MYOF: variants seen among roughly 807,000 people sequenced by gnomAD.
The protein encoded by MYOF is myoferlin, also known as fer-1-like 3, myoferlin.
A neutral mutation model predicts 284.2 loss-of-function variants in MYOF; 244 were observed. The observed-to-expected ratio is 0.86, with a 90% CI of 0.77 to 0.95. The LOEUF (loss-of-function observed/expected upper bound fraction) is 0.95. Among genes scored for constraint, MYOF ranks in the 40% least tolerant of loss-of-function variants. The pLI, the probability that MYOF is intolerant of heterozygous loss-of-function variation, is 0.00. For missense variants in MYOF, 2,496 were observed against 2,560.6 expected (o/e 0.97, Z 0.54); for synonymous variants, 904 against 919.7 (o/e 0.98, Z 0.31).
chr10:93,356,696 G>A lies in MYOF; in HGVS notation c.3273C>T (p.Ile1091=), dbSNP rs201113963. The change falls in exon 30 of 54, where the codon ATC becomes ATT. Residue 1091 remains isoleucine (I), a synonymous_variant. Coordinates refer to ENST00000359263, the MANE Select transcript of MYOF (RefSeq NM_013451.4). The part of the protein sequence containing the change: ...APSETHGAAA[I]FKLEGALGAD... ...TTACAAGGGCACCTTCAAGTTTAAA[G>A]ATGGCAGCTGCACCATGTGTTTCTG... 1 of 1,613,378 alleles carries A rather than the reference G, an allele frequency of 6.2e-7. No individual in the cohort carries two copies. The highest frequency in any genetic ancestry group is 2.2e-5 in the East Asian group (1 of 44,868).
Position 93,373,023 on chromosome 10 carries a change from A to T in MYOF, c.2364T>A (p.Tyr788Ter), listed in dbSNP as rs757054211. Residue 788 changes from tyrosine to a stop codon, truncating the protein, a stop_gained, in exon 24 of 54, where the codon TAT (tyrosine) becomes TAA (stop). Transcript: ENST00000359263. LOFTEE classifies it high-confidence loss of function. ...AGACCTGATGTGCGGGAATTCGTGC[A>T]TAGGCCAGTCTCTTCTCTCCCCGGA... Reference protein sequence around the residue: ...WMIRGEKRLAYARIPAHQVLY... With the variant: ...WMIRGEKRLA 2.5e-6 allele frequency: 4 copies of T among 1,614,216 alleles called. No homozygotes were observed. The highest frequency in any genetic ancestry group is 3.4e-6 in the Non-Finnish European group (4 of 1,180,034).
At chr10:93,340,578 G>A (rs943807199) in intron 38 of MYOF, among the ~76,000 whole-genome samples, 3 of 152,080 alleles carry the variant, frequency 2.0e-5, no homozygotes, top group South Asian at 2.1e-4. Context: ...ATATATCTCC[G>A]AACTTGGTCT....
chr10:93,463,884 A>G (rs2056943516), intron 1 of MYOF, among the ~76,000 whole-genome samples: 1 of 112,022 alleles, frequency 8.9e-6, no homozygotes, highest in African/African-American at 3.0e-5. Flanking sequence ...AAAAAAAAAA[A>G]AAGGCCTGAA....
At chr10:93,387,709 G>T in intron 19 of MYOF, 88 bp downstream of exon 19, 1 of 986,140 alleles carries the variant, frequency 1.0e-6, no homozygotes, top group Non-Finnish European at 1.6e-6. Context: ...ATTGTGAGTT[G>T]GGTTGCCTTC....
At position 93,397,251 on chromosome 10, in the gene MYOF, CAT is replaced by C. The variant is rs1364150168; in HGVS notation, c.1328_1329del (p.Tyr443Ter). The C allele has an allele frequency of 6.3e-7, 1 of 1,587,654 alleles. No homozygotes were observed. The highest frequency in any genetic ancestry group is 1.3e-5 in the African/African-American group (1 of 74,114). ...SVCEKIKLTI[Y>X]DWDRLTKNDV... ...ACATACGTATTTTCAACTCACCAGT[CAT>C]ATATTGTTAGTTTTATTTTTTCACA... On this transcript the variant is annotated frameshift_variant, in exon 15 of 54. Coordinates refer to ENST00000359263, the MANE Select transcript of MYOF (RefSeq NM_013451.4). LOFTEE classifies it high-confidence loss of function.
At chr10:93,372,284 C>G (rs1382742510) in intron 24 of MYOF, among the ~76,000 whole-genome samples, 2 of 152,140 alleles carry the variant, frequency 1.3e-5, no homozygotes, top group African/African-American at 4.8e-5. Context: ...CTTTGATTCC[C>G]CATATACACA....
chr10:93,309,173 G>C (rs1274413387), intron 53 of MYOF, among the ~76,000 whole-genome samples: 2 of 152,168 alleles, frequency 1.3e-5, no homozygotes, highest in African/African-American at 4.8e-5. Flanking sequence ...TGTCTTAGCA[G>C]GGGGTGCCCA....
At chr10:93,424,271 C>T (rs1045190509) in intron 5 of MYOF, among the ~76,000 whole-genome samples, 26 of 152,140 alleles carry the variant, frequency 1.7e-4, no homozygotes, top group African/African-American at 6.3e-4. Context: ...CCAGATAGCC[C>T]ATCAATGAGG....
intron 50 of MYOF, 32 bp downstream of exon 50, chr10:93,316,682 C>T (rs1428835573): frequency 3.2e-6 from 5 of 1,550,684 alleles, no homozygotes; most frequent in African/African-American, 2.7e-5. Context: ...AGTACAGTTT[C>T]TTAGAAACAA....
chr10:93,443,554 C>G (rs2056340392), intron 3 of MYOF, among the ~76,000 whole-genome samples: 1 of 151,058 alleles, frequency 6.6e-6, no homozygotes, highest in Non-Finnish European at 1.5e-5. Context: ...TTAGACTAAC[C>G]TTGGCATCTC....
intron 53 of MYOF, 89 bp downstream of exon 53, chr10:93,309,931 C>A: frequency 6.5e-7 from 1 of 1,528,454 alleles, no homozygotes; most frequent in South Asian, 1.2e-5. Context: ...GGTCATTCTT[C>A]TGCACAGTGG....
Position 93,392,956 on chromosome 10 carries a change from C to G in MYOF, c.1418-1G>C. On this transcript the variant is annotated splice_acceptor_variant, in intron 16 of 53. Transcript: ENST00000359263. LOFTEE classifies it high-confidence loss of function. Reference sequence around the variant, plus strand: ...GCCCCAGTTCCCGAAGATGAGAAATCTATATAGTAAAAATATGACTGGTTA... The same window carrying G: ...GCCCCAGTTCCCGAAGATGAGAAATGTATATAGTAAAAATATGACTGGTTA... 1 of 1,610,346 alleles carries G rather than the reference C, an allele frequency of 6.2e-7. No homozygotes were observed. The highest frequency in any genetic ancestry group is 8.5e-7 in the Non-Finnish European group (1 of 1,176,808).
At chr10:93,407,090 T>C (rs1242986605) in intron 7 of MYOF, among the ~76,000 whole-genome samples, 1 of 152,030 alleles carries the variant, frequency 6.6e-6, no homozygotes, top group Non-Finnish European at 1.5e-5. Context: ...TCATGTATTT[T>C]TGAGGAGTGT....
intron 43 of MYOF, among the ~76,000 whole-genome samples, chr10:93,331,006 T>C (rs935483054): frequency 2.6e-5 from 4 of 152,206 alleles, no homozygotes; most frequent in Admixed American, 6.5e-5. Context: ...GAGAACCACT[T>C]CTTTTGCAGT....
At chr10:93,321,302 T>C (rs1030952980) in intron 48 of MYOF, among the ~76,000 whole-genome samples, 3 of 152,102 alleles carry the variant, frequency 2.0e-5, no homozygotes, top group African/African-American at 7.2e-5. Context: ...AAATATTAAG[T>C]CCTACTATTA....
At chr10:93,475,315 C>T (rs144524744) in intron 1 of MYOF, among the ~76,000 whole-genome samples, 1 of 152,320 alleles carries the variant, frequency 6.6e-6, no homozygotes, top group Non-Finnish European at 1.5e-5. Context: ...CATATCATGG[C>T]ATTCTATATA....
chr10:93,408,975 C>A, intron 6 of MYOF, 60 bp from the exon 7 acceptor site: 1 of 1,604,960 alleles, frequency 6.2e-7, no homozygotes. Context: ...TCCTTAGGAT[C>A]CTCAGGTGTT....
intron 24 of MYOF, among the ~76,000 whole-genome samples, chr10:93,372,123 G>A (rs1666480175): frequency 6.6e-6 from 1 of 152,182 alleles, no homozygotes; most frequent in South Asian, 2.1e-4. Context: ...TGTTTGAAGA[G>A]AACACTCTCT....
chr10:93,318,458 C>T (rs918211610), intron 49 of MYOF, among the ~76,000 whole-genome samples: 1 of 151,782 alleles, frequency 6.6e-6, no homozygotes, highest in African/African-American at 2.4e-5. Flanking sequence ...GTTCATCCCA[C>T]TGGTATTAAA....
Sources: allele counts gnomAD v4.1 joint callset (sites outside exome capture counted in the v4.1 genomes callset), GRCh38; gene constraint gnomAD v4.1.1; transcripts MANE v1.5; gene names NCBI Gene and HGNC (gene_info 2026-07-23, HGNC 2026-07-21).